The following LPP variants were observed in gnomAD, a reference collection of about 807,000 sequenced individuals.
LPP encodes LIM domain containing preferred translocation partner in lipoma, also known as lipoma-preferred partner.
LPP carries 38 observed loss-of-function variants against 60.4 expected under a neutral mutation model. The ratio of observed to expected loss-of-function variants is 0.63; its 90% CI spans 0.49 to 0.83. The LOEUF (loss-of-function observed/expected upper bound fraction) is 0.83, where lower values mean the gene tolerates loss of function less well. Among genes scored for constraint, LPP ranks in the 40% least tolerant of loss-of-function variants. LPP has a pLI of 0.00. For missense variants in LPP, 902 were observed against 783.6 expected, an observed-to-expected ratio of 1.15 and a Z score of -1.80; for synonymous variants, 328 against 290.8, an observed-to-expected ratio of 1.13 and a Z score of -1.30.
intron 7 of LPP, among the ~76,000 whole-genome samples, chr3:188,643,766 A>G (rs1850618919): frequency 6.6e-6 from 1 of 152,172 alleles, no homozygotes; most frequent in Admixed American, 6.5e-5. Flanking sequence ...TCTATGTGCT[A>G]GGATTTCTGT....
rs1384215279 is a variant in LPP, at chr3:188,708,363, A to C, written c.1210A>C (p.Met404Leu). Residue 404 changes from methionine (M) to leucine (L), a missense_variant, in exon 8 of 12, where the codon ATG (methionine) becomes CTG (leucine). Transcript: ENST00000617246. Reference protein sequence around the residue: ...EHLTKKMLYDMENPPADEYFG... With the variant: ...EHLTKKMLYDLENPPADEYFG... ...CCTGACCAAAAAGATGCTGTATGAC[A>C]TGGAAAATCCACCTGCTGACGAATA... 2 of 1,614,226 alleles carry C rather than the reference A, an allele frequency of 1.2e-6. No homozygotes were observed. The highest frequency in any genetic ancestry group is 1.7e-6 in the Non-Finnish European group (2 of 1,180,026).
intron 7 of LPP, among the ~76,000 whole-genome samples, chr3:188,652,408 A>C (rs1008196058): frequency 6.6e-6 from 1 of 151,908 alleles, no homozygotes; most frequent in Non-Finnish European, 1.5e-5. Flanking sequence ...CTCTGTCACC[A>C]GTTGGGTTTC....
At chr3:188,493,156 TTATTGCCTTCATATTTGAG>T (rs1808899037) in intron 5 of LPP, among the ~76,000 whole-genome samples, 1 of 152,216 alleles carries the variant, frequency 6.6e-6, no homozygotes, top group African/African-American at 2.4e-5. Flanking sequence ...AAATGAGTTG[TTATTGCCTTCATATTTGAG>T]TAAAAGCTTG....
chr3:188,728,816 T>C (rs1719359306), intron 8 of LPP, among the ~76,000 whole-genome samples: 1 of 152,008 alleles, frequency 6.6e-6, no homozygotes, highest in Admixed American at 6.6e-5. Context: ...ATGCAGAGCC[T>C]ATGATATGTC....
intron 3 of LPP, among the ~76,000 whole-genome samples, chr3:188,350,864 C>A (rs1235173537): frequency 6.7e-6 from 1 of 150,332 alleles, no homozygotes; most frequent in Admixed American, 6.6e-5. Context: ...ATATTGATCA[C>A]CCTTCCACCA....
intron 2 of LPP, among the ~76,000 whole-genome samples, chr3:188,311,684 G>T (rs1305021633): frequency 6.6e-6 from 1 of 151,362 alleles, no homozygotes; most frequent in African/African-American, 2.4e-5. Flanking sequence ...TGTCACCCAG[G>T]CTTGAGTGCA....
intron 2 of LPP, among the ~76,000 whole-genome samples, chr3:188,236,038 C>G (rs1411149413): frequency 1.3e-5 from 2 of 151,986 alleles, no homozygotes; most frequent in South Asian, 2.1e-4. Context: ...TGAACACCTA[C>G]TATTTGCTAG....
At chr3:188,189,228 A>G (rs1727451035) in intron 1 of LPP, among the ~76,000 whole-genome samples, 1 of 152,122 alleles carries the variant, frequency 6.6e-6, no homozygotes, top group South Asian at 2.1e-4. Flanking sequence ...CTGAGACTAC[A>G]AGCATGTGCC....
chr3:188,213,938 G>A (rs1293102233), intron 1 of LPP, among the ~76,000 whole-genome samples: 1 of 134,930 alleles, frequency 7.4e-6, no homozygotes, highest in Non-Finnish European at 1.6e-5. Context: ...TCAAAGGTGA[G>A]TCCTGATTCT....
At chr3:188,444,795 A>G (rs981029769) in intron 4 of LPP, among the ~76,000 whole-genome samples, 1 of 152,222 alleles carries the variant, frequency 6.6e-6, no homozygotes, top group Non-Finnish European at 1.5e-5. Context: ...CAAGAAAAAA[A>G]CAAACAACTC....
At chr3:188,548,730 A>T (rs1827305396) in intron 6 of LPP, among the ~76,000 whole-genome samples, 1 of 152,186 alleles carries the variant, frequency 6.6e-6, no homozygotes, top group South Asian at 2.1e-4. Context: ...AAGAATCAGG[A>T]TGGACTGGAT....
At chr3:188,203,924 A>C (rs1000527842) in intron 1 of LPP, among the ~76,000 whole-genome samples, 1 of 152,140 alleles carries the variant, frequency 6.6e-6, no homozygotes, top group Non-Finnish European at 1.5e-5. Context: ...GATATTAAGC[A>C]TTTAAAAAGA....
chr3:188,695,138 T>C (rs1263330378), intron 7 of LPP, among the ~76,000 whole-genome samples: 1 of 152,236 alleles, frequency 6.6e-6, no homozygotes, highest in Non-Finnish European at 1.5e-5. Flanking sequence ...AGTTACTCAA[T>C]ATAAAACATT....
chr3:188,288,046 G>A (rs971802390), intron 2 of LPP, among the ~76,000 whole-genome samples: 1 of 152,162 alleles, frequency 6.6e-6, no homozygotes, highest in African/African-American at 2.4e-5. Flanking sequence ...GTTATCAAAA[G>A]CTTTTACTTA....
At chr3:188,418,675 A>G (rs1401845298) in intron 4 of LPP, among the ~76,000 whole-genome samples, 1 of 152,170 alleles carries the variant, frequency 6.6e-6, no homozygotes, top group African/African-American at 2.4e-5. Context: ...AATGTGTGAA[A>G]ATTGCTTAAA....
intron 7 of LPP, among the ~76,000 whole-genome samples, chr3:188,657,258 G>GTTTATATATATATATATATATA (rs1553782707): frequency 1.1e-5 from 1 of 89,812 alleles, no homozygotes; most frequent in African/African-American, 4.1e-5. Context: ...CTGTCAAGGT[G>GTTTATATATATATATATATATA]TATATATATA....
chr3:188,276,901 T>C (rs1395375201), intron 2 of LPP, among the ~76,000 whole-genome samples: 5 of 131,038 alleles, frequency 3.8e-5, no homozygotes, highest in Admixed American at 7.7e-5. Context: ...TTTCTTTTTT[T>C]TTTTTTTTTT....
At chr3:188,754,430 G>T (rs1729482861) in intron 8 of LPP, among the ~76,000 whole-genome samples, 2 of 152,108 alleles carry the variant, frequency 1.3e-5, no homozygotes, top group South Asian at 4.1e-4. Context: ...GCCAACTCGT[G>T]GTTGAGCAGT....
Position 188,215,375 on chromosome 3 carries a change from C to T in LPP, c.-189-10030C>T, listed in dbSNP as rs182803739. ...ACATTCATATTGCTGTGTAATCAGT[C>T]TCCAGGCCTCTTTCATCTTGCAATC... On this transcript the variant is annotated intron_variant, in intron 1 of 11. Coordinates refer to ENST00000617246, the MANE Select transcript of LPP (RefSeq NM_001375462.1). Among the ~76,000 whole-genome samples the T allele has an allele frequency of 7.9e-5, 12 of 152,070 alleles. No individual in the cohort carries two copies. The East Asian group carries it at 1.7e-3, about 22-fold the overall frequency.
Sources: gnomAD v4.1 joint callset for allele counts (sites outside exome capture counted in the v4.1 genomes callset) on GRCh38, gnomAD v4.1.1 for gene constraint, MANE v1.5 for transcripts, NCBI Gene and HGNC (gene_info 2026-07-23, HGNC 2026-07-21) for gene names.